INTS6L: variants seen among roughly 807,000 people sequenced by gnomAD.
INTS6L encodes the protein integrator complex subunit 6 like, also known as integrator complex subunit 6-like.
A neutral mutation model predicts 64.7 loss-of-function variants in INTS6L; 18 were observed. The ratio of observed to expected loss-of-function variants is 0.28; its 90% CI spans 0.19 to 0.41. The LOEUF (loss-of-function observed/expected upper bound fraction) is 0.41, where lower values mean the gene tolerates loss of function less well. Among genes scored for constraint, INTS6L ranks in the 10% least tolerant of loss-of-function variants. The probability of loss-of-function intolerance (pLI) is 1.00; values close to 1 mark genes in which losing one functional copy is unlikely to be tolerated. For missense variants in INTS6L, 533 were observed against 661.0 expected (o/e 0.81, Z 2.12); for synonymous variants, 227 against 235.9 (o/e 0.96, Z 0.34).
In INTS6L at chrX:135,582,460, T is replaced by C. The variant is rs1310451175; in HGVS notation, c.*824T>C. 1 of 112,639 alleles carries C rather than the reference T, an allele frequency of 8.9e-6. No homozygotes were observed. The highest frequency in any genetic ancestry group is 1.9e-5 in the Non-Finnish European group (1 of 53,356). The allele number at this position is 112,639 out of a possible 1,213,427, so 9.3% of individuals were successfully genotyped here. On this transcript the variant is annotated 3_prime_UTR_variant, in exon 18 of 18. Coordinates refer to ENST00000639893, the MANE Select transcript of INTS6L (RefSeq NM_001351601.3). ...CAAAAATTAAAGTGTACAAAGAGAT[T>C]TTGATTTTGCATATATAAAATAAAT...
chrX:135,580,059 G>T lies in INTS6L; in HGVS notation c.2391G>T (p.Leu797Phe). ...DDQKDPVAST[L>F]GAMPNTLQIT... ...AAAAAGACCCAGTAGCATCTACTTT[G>T]GGAGCTATGCCAAATACATTACAAA... The change falls in exon 16 of 18, where the codon TTG (leucine) becomes TTT (phenylalanine). Residue 797 changes from leucine to phenylalanine, a missense_variant. By Grantham distance (22) the Leu-to-Phe change is conservative. Coordinates refer to ENST00000639893, the MANE Select transcript of INTS6L (RefSeq NM_001351601.3). The T allele has an allele frequency of 8.3e-7, 1 of 1,211,721 alleles. No homozygotes were observed. Among genetic ancestry groups the T allele is most frequent in the South Asian group, 1.8e-5 (1 of 56,949 alleles).
At chrX:135,544,670 T>G (rs2086309595) in intron 2 of INTS6L, among the ~76,000 whole-genome samples, 1 of 111,719 alleles carries the variant, frequency 9.0e-6, no homozygotes, top group Admixed American at 9.5e-5. Context: ...GCTGCTTTGT[T>G]TTTATACCCA....
intron 13 of INTS6L, 134 bp downstream of exon 13, chrX:135,574,196 C>G: frequency 1.3e-6 from 1 of 772,849 alleles, no homozygotes; most frequent in Non-Finnish European, 1.8e-6. Flanking sequence ...TTCACTGAAT[C>G]CCTATGTCTG....
At chrX:135,546,025 C>G (rs1556514968) in intron 3 of INTS6L, among the ~76,000 whole-genome samples, 2 of 112,056 alleles carry the variant, frequency 1.8e-5, no homozygotes, top group East Asian at 5.6e-4. Flanking sequence ...TCACTAGTGT[C>G]CTATCTGTGC....
At chrX:135,570,632 A>G in intron 11 of INTS6L, 86 bp downstream of exon 11, 3 of 1,018,700 alleles carry the variant, frequency 2.9e-6, no homozygotes, top group South Asian at 4.5e-5. Context: ...TAATTTTTCA[A>G]ATTAAATGTG....
At position 135,581,717 on chromosome X, in the gene INTS6L, T is replaced by A. The variant is rs1178158613; in HGVS notation, c.*81T>A. On this transcript the variant is annotated 3_prime_UTR_variant, in exon 18 of 18. Coordinates refer to ENST00000639893, the MANE Select transcript of INTS6L (RefSeq NM_001351601.3). ...GATATTGTTGAAGCCTCCTGGAATG[T>A]TTGAGTCAAGGGAATTGCTTTCCAG... The A allele has an allele frequency of 4.8e-6, 4 of 837,419 alleles. No homozygotes were observed. The highest frequency in any genetic ancestry group is 5.1e-6 in the Non-Finnish European group (3 of 582,735). The allele number at this position is 837,419 out of a possible 1,213,427, so 69.0% of individuals were successfully genotyped here.
intron 5 of INTS6L, 40 bp from the exon 6 acceptor site, chrX:135,547,097 T>A (rs200150477): frequency 8.4e-7 from 1 of 1,188,260 alleles, no homozygotes; most frequent in East Asian, 3.0e-5. Context: ...GAAATTATAT[T>A]TGATCAAACT....
At chrX:135,565,783 C>T (rs1488418922) in intron 9 of INTS6L, among the ~76,000 whole-genome samples, 1 of 111,624 alleles carries the variant, frequency 9.0e-6, no homozygotes, top group Non-Finnish European at 1.9e-5. Flanking sequence ...CATCCCACAC[C>T]AGAAACTCTG....
At chrX:135,560,633 A>G (rs782214738) in intron 9 of INTS6L, among the ~76,000 whole-genome samples, 7 of 112,000 alleles carry the variant, frequency 6.3e-5, no homozygotes, top group Admixed American at 5.7e-4. Context: ...ACCTGAGGTC[A>G]GGAGTTTGAG....
At chrX:135,563,759 T>G (rs1237643953) in intron 9 of INTS6L, among the ~76,000 whole-genome samples, 1 of 108,021 alleles carries the variant, frequency 9.3e-6, no homozygotes, top group East Asian at 2.9e-4. Flanking sequence ...TTCTGTTCTT[T>G]TGGTTTCTAA....
chrX:135,577,567 A>AAT, intron 15 of INTS6L, 140 bp downstream of exon 15: 2 of 609,527 alleles, frequency 3.3e-6, no homozygotes, highest in Non-Finnish European at 2.5e-6. Context: ...TCTATTTGGT[A>AAT]GGTACAATAA....
At chrX:135,530,321 T>C (rs1359068762) in intron 2 of INTS6L, among the ~76,000 whole-genome samples, 1 of 111,782 alleles carries the variant, frequency 8.9e-6, no homozygotes, top group Non-Finnish European at 1.9e-5. Context: ...GTGACAGATA[T>C]AGAGTTGTTG....
intron 2 of INTS6L, among the ~76,000 whole-genome samples, chrX:135,522,934 G>T (rs782346040): frequency 2.7e-5 from 3 of 112,137 alleles, no homozygotes; most frequent in Non-Finnish European, 5.6e-5. Flanking sequence ...TAGAAAAGGA[G>T]ATGTTTATAC....
At chrX:135,521,163 G>A in intron 1 of INTS6L, 60 bp downstream of exon 1, 1 of 1,170,318 alleles carries the variant, frequency 8.5e-7, no homozygotes, top group African/African-American at 1.8e-5. Flanking sequence ...GGTGTGGATT[G>A]AGGTGCTTCT....
rs1296544222 is a variant in INTS6L at position 135,552,915 on chromosome X, G to T, written c.1059+769G>T. On this transcript the variant is annotated intron_variant, in intron 8 of 17. Coordinates refer to ENST00000639893, the MANE Select transcript of INTS6L (RefSeq NM_001351601.3). ...TAGGACTCTATAGCAATCAGTAACTGTTAGGCTCTATTTATGCAAGGAACA... is the reference window on the plus strand; with the variant it reads ...TAGGACTCTATAGCAATCAGTAACTTTTAGGCTCTATTTATGCAAGGAACA... Among the ~76,000 whole-genome samples, 4 of 112,298 alleles carry T rather than the reference G, an allele frequency of 3.6e-5. No homozygotes were observed. The Admixed American group carries it at 3.8e-4, about 11-fold the overall frequency.
intron 8 of INTS6L, among the ~76,000 whole-genome samples, chrX:135,555,143 C>T (rs1556518691): frequency 9.0e-6 from 1 of 110,834 alleles, no homozygotes. Context: ...CCCGCCTCGG[C>T]CTCCCGAAGT....
At chrX:135,543,469 C>CA (rs1556513775) in intron 2 of INTS6L, among the ~76,000 whole-genome samples, 1 of 111,669 alleles carries the variant, frequency 9.0e-6, no homozygotes, top group Admixed American at 9.5e-5. Flanking sequence ...CAGTATTTCT[C>CA]AAATGTCCCA....
chrX:135,582,183 G>A lies in INTS6L; in HGVS notation c.*547G>A, dbSNP rs41312590. 714 of 113,038 alleles carry A rather than the reference G, an allele frequency of 6.3e-3. 2 individuals are homozygous for A. Among genetic ancestry groups the A allele is most frequent in the Non-Finnish European group, 9.9e-3 (532 of 53,646 alleles). The allele number at this position is 113,038 out of a possible 1,213,427, so 9.3% of individuals were successfully genotyped here. Reference sequence around the variant, plus strand: ...ATTTGGGTAACTTATTTCTCTGTGGGAAGGGGCAGGGAGAGTCACCAAACA... The same window carrying A: ...ATTTGGGTAACTTATTTCTCTGTGGAAAGGGGCAGGGAGAGTCACCAAACA... On this transcript the variant is annotated 3_prime_UTR_variant, in exon 18 of 18. Coordinates refer to ENST00000639893, the MANE Select transcript of INTS6L (RefSeq NM_001351601.3).
Position 135,575,158 on chromosome X carries a change from C to T in INTS6L, c.1816C>T (p.Arg606Ter), listed in dbSNP as rs782713573. 1 of 1,211,247 alleles carries T rather than the reference C, an allele frequency of 8.3e-7. No individual in the cohort carries two copies. The highest frequency in any genetic ancestry group is 1.1e-6 in the Non-Finnish European group (1 of 895,136). ...TCTGAAGACATTGGCTTCTCCACTG[C>T]GAGAGATTGATCCAGACCAACCCAA... ...EYLKTLASPL[R>*]EIDPDQPKRL... is the part of the protein sequence containing the mutation. The change falls in exon 14 of 18, where the codon CGA (arginine) becomes TGA (stop). Residue 606 changes from arginine (R) to a stop codon, truncating the protein, a stop_gained. Transcript: ENST00000639893. LOFTEE classifies it high-confidence loss of function.
Sources: gnomAD v4.1 joint callset for allele counts (sites outside exome capture counted in the v4.1 genomes callset) on GRCh38, gnomAD v4.1.1 for gene constraint, MANE v1.5 for transcripts, NCBI Gene and HGNC (gene_info 2026-07-23, HGNC 2026-07-21) for gene names.